The following DACH1 variants were observed in gnomAD, a reference collection of about 807,000 sequenced individuals.
The protein encoded by DACH1 is dachshund family transcription factor 1, also known as dachshund homolog 1.
Under a neutral mutation model 54.2 loss-of-function variants are expected in DACH1, and 12 were observed. The ratio of observed to expected loss-of-function variants is 0.22; its 90% CI spans 0.14 to 0.36. DACH1 has a LOEUF of 0.36. Ranked by LOEUF, DACH1 falls within the 10% of genes least tolerant of loss-of-function variation. DACH1 has a pLI of 1.00. For synonymous variants in DACH1, 386 were observed against 366.2 expected (o/e 1.05, Z -0.62); for missense variants, 805 against 929.8 (o/e 0.87, Z 1.75).
rs750856037 is a variant in DACH1, at chr13:71,720,104, T to A, written c.849-38194A>T. Among the ~76,000 whole-genome samples the A allele has an allele frequency of 7.5e-4, 114 of 152,270 alleles. 1 individual carries two copies. The highest frequency in any genetic ancestry group is 1.1e-3 in the Non-Finnish European group (78 of 68,020). The stretch of plus-strand genomic sequence containing the variant: ...TCTCTAAGAAGATGAGACTTGAATA[T>A]CAAGAAGTTAGCAGCTATGGATGGG... On this transcript the variant is annotated intron_variant, in intron 1 of 10. Coordinates refer to ENST00000613252, the MANE Select transcript of DACH1 (RefSeq NM_080759.6).
chr13:71,628,686 C>T lies in DACH1; in HGVS notation c.1126+1870G>A, dbSNP rs1462014778. ...AAATTCAAATTGTTTGTTTTTAAGT[C>T]ATTGCGATAGGCTACGTACCAAAAT... is the stretch of plus-strand genomic sequence containing the variant. On this transcript the variant is annotated intron_variant, in intron 3 of 10. Coordinates refer to ENST00000613252, the MANE Select transcript of DACH1 (RefSeq NM_080759.6). Among the ~76,000 whole-genome samples, 3 of 152,010 alleles carry T rather than the reference C, an allele frequency of 2.0e-5. No individual in the cohort carries two copies. In the East Asian group the frequency reaches 5.8e-4, roughly 29 times the overall value.
intron 2 of DACH1, among the ~76,000 whole-genome samples, chr13:71,669,330 C>T (rs1490708773): frequency 2.0e-5 from 3 of 152,098 alleles, no homozygotes; most frequent in African/African-American, 7.2e-5. Context: ...CCTGTCAGAT[C>T]AGTGAGGACA....
intron 1 of DACH1, among the ~76,000 whole-genome samples, chr13:71,836,764 C>T (rs1888802023): frequency 6.6e-6 from 1 of 151,934 alleles, no homozygotes; most frequent in South Asian, 2.1e-4. Flanking sequence ...TAAAATTTCA[C>T]CTATCCCACT....
In DACH1 at chr13:71,659,355, A is replaced by G. The variant is rs1375289868; in HGVS notation, c.964+22440T>C. Among the ~76,000 whole-genome samples, 18 of 152,186 alleles carry G rather than the reference A, an allele frequency of 1.2e-4. 1 individual carries two copies. Among genetic ancestry groups the G allele is most frequent in the Admixed American group, 1.2e-3 (18 of 15,260 alleles). On this transcript the variant is annotated intron_variant, in intron 2 of 10. Coordinates refer to ENST00000613252, the MANE Select transcript of DACH1 (RefSeq NM_080759.6). ...GGTTATGAATTTGCAATGGAAAGTT[A>G]CTTGAATTTCACACTGTAGAGCTGT...
At chr13:71,841,146 T>C (rs1048058510) in intron 1 of DACH1, among the ~76,000 whole-genome samples, 3 of 152,166 alleles carry the variant, frequency 2.0e-5, no homozygotes, top group African/African-American at 7.2e-5. Flanking sequence ...TTATAAATAT[T>C]AAACCACTTT....
At position 71,576,967 on chromosome 13, in the gene DACH1, T is replaced by C. The variant is rs367626694; in HGVS notation, c.1127-3955A>G. On this transcript the variant is annotated intron_variant, in intron 3 of 10. Transcript: ENST00000613252. ...CTTCTGTGGCTACTCCTTTAGGCCA[T>C]TGACATCTTCCAAGTGGTAAAGGCC... Among the ~76,000 whole-genome samples the C allele has an allele frequency of 5.4e-3, 825 of 152,286 alleles. 4 individuals carry two copies. The highest frequency in any genetic ancestry group is 9.0e-3 in the Non-Finnish European group (614 of 68,020).
chr13:71,733,159 G>T (rs1375352532), intron 1 of DACH1, among the ~76,000 whole-genome samples: 3 of 152,080 alleles, frequency 2.0e-5, no homozygotes, highest in South Asian at 2.1e-4. Flanking sequence ...CTATTTGGGG[G>T]TTTTTTGGTT....
At chr13:71,663,097 A>G (rs983097700) in intron 2 of DACH1, among the ~76,000 whole-genome samples, 4 of 150,474 alleles carry the variant, frequency 2.7e-5, no homozygotes, top group African/African-American at 9.8e-5. Flanking sequence ...AAGATACTCT[A>G]TTTAATGACT....
At chr13:71,739,257 C>CA (rs1281639516) in intron 1 of DACH1, among the ~76,000 whole-genome samples, 3 of 148,678 alleles carry the variant, frequency 2.0e-5, no homozygotes, top group Non-Finnish European at 3.0e-5. Context: ...TGTCTCAATT[C>CA]AAAAAAAAGA....
chr13:71,745,909 T>C (rs1163991993), intron 1 of DACH1, among the ~76,000 whole-genome samples: 1 of 152,142 alleles, frequency 6.6e-6, no homozygotes, highest in Non-Finnish European at 1.5e-5. Context: ...TTAAAAGTAA[T>C]TGTTACATCA....
chr13:71,624,613 C>G (rs1345230243), intron 3 of DACH1, among the ~76,000 whole-genome samples: 2 of 151,738 alleles, frequency 1.3e-5, no homozygotes, highest in South Asian at 4.2e-4. Flanking sequence ...AACAAACAAA[C>G]AAACAAACAA....
intron 6 of DACH1, among the ~76,000 whole-genome samples, chr13:71,521,738 C>A (rs537719751): frequency 6.6e-6 from 1 of 152,082 alleles, no homozygotes; most frequent in East Asian, 1.9e-4. Flanking sequence ...AATGCCAAAT[C>A]GCCTACGCGG....
At chr13:71,767,044 T>C (rs1032499168) in intron 1 of DACH1, among the ~76,000 whole-genome samples, 2 of 152,118 alleles carry the variant, frequency 1.3e-5, no homozygotes, top group Non-Finnish European at 2.9e-5. Flanking sequence ...TTTATGCAAC[T>C]GCCATTTTTT....
chr13:71,441,420 A>G (rs1266564768), intron 10 of DACH1, among the ~76,000 whole-genome samples: 1 of 152,016 alleles, frequency 6.6e-6, no homozygotes, highest in Admixed American at 6.6e-5. Flanking sequence ...TAAAACAATA[A>G]CAATACCAAA....
At chr13:71,501,535 A>G (rs903745081) in intron 6 of DACH1, among the ~76,000 whole-genome samples, 1 of 152,208 alleles carries the variant, frequency 6.6e-6, no homozygotes, top group African/African-American at 2.4e-5. Flanking sequence ...AATCTCTGGA[A>G]GAAGGGAAGA....
chr13:71,779,485 T>A (rs1170469934), intron 1 of DACH1, among the ~76,000 whole-genome samples: 1 of 151,248 alleles, frequency 6.6e-6, no homozygotes, highest in Non-Finnish European at 1.5e-5. Context: ...AAATATACTT[T>A]GAGTAAGACA....
rs143440241 is a variant in DACH1 at position 71,548,681 on chromosome 13, C to T, written c.1570+8343G>A. Among the ~76,000 whole-genome samples the T allele has an allele frequency of 3.2e-3, 491 of 152,198 alleles. 5 individuals carry two copies. The highest frequency in any genetic ancestry group is 0.01 in the African/African-American group (436 of 41,546). On this transcript the variant is annotated intron_variant, in intron 6 of 10. Coordinates refer to ENST00000613252, the MANE Select transcript of DACH1 (RefSeq NM_080759.6). The stretch of plus-strand genomic sequence containing the variant: ...CCTGTAATCTCAGCACTTTGGGATG[C>T]TGAGGTGGGTGGATTGCCTGAGCCC...
chr13:71,481,267 G>T (rs1878007264), intron 7 of DACH1, among the ~76,000 whole-genome samples: 1 of 152,154 alleles, frequency 6.6e-6, no homozygotes, highest in South Asian at 2.1e-4. Context: ...GTGTTGATTG[G>T]TTGTATTATC....
chr13:71,584,465 G>T (rs866825445), intron 3 of DACH1, among the ~76,000 whole-genome samples: 1 of 152,002 alleles, frequency 6.6e-6, no homozygotes, highest in Non-Finnish European at 1.5e-5. Context: ...ATGGAAAGAC[G>T]ACTTGTCTTT....
Sources: allele counts gnomAD v4.1 joint callset (sites outside exome capture counted in the v4.1 genomes callset), GRCh38; gene constraint gnomAD v4.1.1; transcripts MANE v1.5; gene names NCBI Gene and HGNC (gene_info 2026-07-23, HGNC 2026-07-21).